Variants in APPL2 observed in about 807,000 individuals in gnomAD.
The protein encoded by APPL2 is DCC-interacting protein 13-beta.
A neutral mutation model predicts 92.7 loss-of-function variants in APPL2; 84 were observed. The observed-to-expected ratio is 0.91, with a 90% CI of 0.76 to 1.09. APPL2 has a LOEUF of 1.09. APPL2 is among the 50% of genes least tolerant of loss of function. The pLI, the probability that APPL2 is intolerant of heterozygous loss-of-function variation, is 0.00. For synonymous variants in APPL2, 291 were observed against 291.0 expected (o/e 1.00, Z 0.00); for missense variants, 736 against 824.5 (o/e 0.89, Z 1.31).
chr12:105,224,780 C>T (rs1890370166), intron 2 of APPL2, among the ~76,000 whole-genome samples: 1 of 152,242 alleles, frequency 6.6e-6, no homozygotes, highest in African/African-American at 2.4e-5. Context: ...CCATGACAAA[C>T]TCACACTCCT....
intron 14 of APPL2, among the ~76,000 whole-genome samples, chr12:105,190,374 A>G (rs977220825): frequency 1.3e-5 from 2 of 152,212 alleles, no homozygotes; most frequent in African/African-American, 4.8e-5. Context: ...TCTGCTGCAC[A>G]GCATCCTGCA....
chr12:105,207,597 A>C (rs1036553012), intron 7 of APPL2, among the ~76,000 whole-genome samples: 5 of 152,242 alleles, frequency 3.3e-5, no homozygotes, highest in Non-Finnish European at 7.3e-5. Context: ...TATGCATGAA[A>C]ATAGTCAATA....
chr12:105,198,042 G>A (rs1887821661), intron 10 of APPL2, 89 bp from the exon 11 acceptor site: 2 of 1,306,796 alleles, frequency 1.5e-6, no homozygotes, highest in Non-Finnish European at 2.1e-6. Context: ...GGTACTGGTG[G>A]CATTTTAGAA....
At chr12:105,208,686 G>A (rs1026007985) in intron 5 of APPL2, among the ~76,000 whole-genome samples, 1 of 152,120 alleles carries the variant, frequency 6.6e-6, no homozygotes, top group Non-Finnish European at 1.5e-5. Context: ...AATGAAAAAC[G>A]TGACACGATC....
intron 2 of APPL2, among the ~76,000 whole-genome samples, chr12:105,228,451 T>G (rs1890685195): frequency 6.6e-6 from 1 of 152,226 alleles, no homozygotes; most frequent in African/African-American, 2.4e-5. Flanking sequence ...CACATAAGAT[T>G]TAAGTCAGCA....
chr12:105,209,927 A>G (rs951505348), intron 5 of APPL2, among the ~76,000 whole-genome samples: 2 of 151,718 alleles, frequency 1.3e-5, no homozygotes, highest in East Asian at 1.9e-4. Flanking sequence ...GGTGACACCA[A>G]CACAGGGGAT....
intron 3 of APPL2, 79 bp from the exon 4 acceptor site, chr12:105,217,219 A>AC: frequency 1.2e-6 from 1 of 858,836 alleles, no homozygotes; most frequent in Non-Finnish European, 1.8e-6. Flanking sequence ...GCAGAACACG[A>AC]CCCTCCACAC....
At position 105,195,272 on chromosome 12, in the gene APPL2, G is replaced by C; in HGVS notation, c.1230C>G (p.Ser410Arg). The change falls in exon 14 of 21, where the codon AGC becomes AGG. Residue 410 changes from serine to arginine, a missense_variant. Physicochemically the swap from Ser to Arg is moderately radical, Grantham distance 110. Transcript: ENST00000258530. ...TGTCCTTTAGTTACCTGGGGCATGA[G>C]CTTTCTTGTTTTTTTCCAAAACTTG... ...PITSFGKKQESSCPSQNLKNS... is the reference protein window; with the variant it reads ...PITSFGKKQERSCPSQNLKNS... 6.2e-7 allele frequency: 1 copy of C among 1,614,166 alleles called. No individual in the cohort carries two copies. Among genetic ancestry groups the C allele is most frequent in the Non-Finnish European group, 8.5e-7 (1 of 1,180,016 alleles).
chr12:105,234,861 C>A (rs1436311489), intron 1 of APPL2, among the ~76,000 whole-genome samples: 3 of 152,092 alleles, frequency 2.0e-5, no homozygotes, highest in Non-Finnish European at 2.9e-5. Flanking sequence ...AAACAAAAAA[C>A]ACACACACAG....
rs747007583 is a variant in APPL2 at position 105,207,159 on chromosome 12, G to A, written c.523C>T (p.His175Tyr). Residue 175 changes from histidine (H) to tyrosine (Y), a missense_variant, in exon 8 of 21, where the codon CAC becomes TAC. His to Tyr is a moderately conservative substitution (Grantham distance 83). Transcript: ENST00000258530. ...KEVAAARRKQHLSSLQYYCAL... is the reference protein window; with the variant it reads ...KEVAAARRKQYLSSLQYYCAL... ...CAGTAGTACTGAAGGGAGGAGAGGTGCTGCTTCCGCCGGGCCGCGGCCACC... is the reference window on the plus strand; with the variant it reads ...CAGTAGTACTGAAGGGAGGAGAGGTACTGCTTCCGCCGGGCCGCGGCCACC... The A allele has an allele frequency of 3.7e-6, 6 of 1,614,090 alleles. No homozygotes were observed. In the East Asian group the frequency reaches 1.3e-4, roughly 36 times the overall value.
chr12:105,199,281 C>T, intron 10 of APPL2, 92 bp downstream of exon 10: 7 of 1,466,470 alleles, frequency 4.8e-6, no homozygotes, highest in Non-Finnish European at 6.5e-6. Flanking sequence ...ACCCACCTCC[C>T]TCTGACTTTA....
intron 17 of APPL2, among the ~76,000 whole-genome samples, chr12:105,179,354 T>C (rs1885885345): frequency 1.3e-5 from 2 of 152,210 alleles, no homozygotes; most frequent in African/African-American, 4.8e-5. Context: ...CCTTGGTGTA[T>C]ATGTGCCACA....
intron 20 of APPL2, among the ~76,000 whole-genome samples, chr12:105,175,704 G>C (rs757191491): frequency 2.2e-4 from 33 of 152,202 alleles, no homozygotes; most frequent in Non-Finnish European, 4.4e-4. Flanking sequence ...TGGGGCATGT[G>C]ATCATACTCT....
chr12:105,177,061 T>C, intron 18 of APPL2, 45 bp from the exon 19 acceptor site: 1 of 1,611,878 alleles, frequency 6.2e-7, no homozygotes, highest in East Asian at 2.2e-5. Flanking sequence ...ACTACTAGAA[T>C]TAAAAACTGA....
chr12:105,186,706 T>TATATATC (rs1254160404), intron 17 of APPL2, among the ~76,000 whole-genome samples: 14 of 119,552 alleles, frequency 1.2e-4, no homozygotes, highest in African/African-American at 4.2e-4. Flanking sequence ...TATCATATCA[T>TATATATC]ATATCATATC....
intron 14 of APPL2, among the ~76,000 whole-genome samples, chr12:105,192,486 C>T (rs1887299464): frequency 6.9e-6 from 1 of 145,442 alleles, no homozygotes; most frequent in African/African-American, 2.5e-5. Flanking sequence ...TCATCCTGTC[C>T]CATGATCTCC....
intron 19 of APPL2, chr12:105,176,384 A>G (rs1208995747): frequency 5.6e-6 from 3 of 533,662 alleles, no homozygotes; most frequent in Non-Finnish European, 9.7e-6. Flanking sequence ...TAGCCACGAT[A>G]TGTCCATATA....
intron 4 of APPL2, among the ~76,000 whole-genome samples, chr12:105,214,795 C>T (rs927043002): frequency 1.3e-5 from 2 of 152,204 alleles, no homozygotes; most frequent in African/African-American, 4.8e-5. Flanking sequence ...ACCAGAAACA[C>T]CAAACCACGA....
chr12:105,216,998 G>T, intron 4 of APPL2, 71 bp downstream of exon 4: 1 of 1,128,208 alleles, frequency 8.9e-7, no homozygotes, highest in Non-Finnish European at 1.3e-6. Context: ...AAAATGGAAA[G>T]TGGGCCAAAA....
Sources: allele counts gnomAD v4.1 joint callset (sites outside exome capture counted in the v4.1 genomes callset), GRCh38; gene constraint gnomAD v4.1.1; transcripts MANE v1.5; gene names NCBI Gene and HGNC (gene_info 2026-07-23, HGNC 2026-07-21).